EEF2K: variants seen among roughly 807,000 people sequenced by gnomAD.
The protein encoded by EEF2K is alternative protein EEF2K.
EEF2K carries 70 observed loss-of-function variants against 93.8 expected under a neutral mutation model. The observed-to-expected ratio is 0.75, with a 90% CI of 0.62 to 0.91. The LOEUF (loss-of-function observed/expected upper bound fraction) is 0.91, where lower values mean the gene tolerates loss of function less well. EEF2K is among the 40% of genes least tolerant of loss of function. The probability of loss-of-function intolerance (pLI) is 0.00; values close to 1 mark genes in which losing one functional copy is unlikely to be tolerated. For synonymous variants in EEF2K, 376 were observed against 380.8 expected (o/e 0.99, Z 0.15); for missense variants, 935 against 972.9 (o/e 0.96, Z 0.52).
intron 15 of EEF2K, among the ~76,000 whole-genome samples, chr16:22,270,400 C>G (rs973646801): frequency 1.3e-5 from 2 of 152,132 alleles, no homozygotes; most frequent in South Asian, 4.1e-4. Context: ...GCTAGGATTA[C>G]AGGTATGAGC....
chr16:22,256,374 A>G (rs1380452203), intron 6 of EEF2K, among the ~76,000 whole-genome samples: 2 of 152,098 alleles, frequency 1.3e-5, no homozygotes, highest in Non-Finnish European at 2.9e-5. Context: ...CTGGGATTAC[A>G]GGTGTGAGCC....
chr16:22,237,272 A>C (rs757413971), intron 2 of EEF2K, among the ~76,000 whole-genome samples: 1 of 151,966 alleles, frequency 6.6e-6, no homozygotes, highest in Non-Finnish European at 1.5e-5. Context: ...TGTAAGATTA[A>C]TTAACCTACT....
At position 22,266,883 on chromosome 16, in the gene EEF2K, A is replaced by T. The variant is rs752790042; in HGVS notation, c.1764+7A>T. The T allele has an allele frequency of 1.3e-6, 2 of 1,595,336 alleles. No individual in the cohort carries two copies. The highest frequency in any genetic ancestry group is 1.7e-6 in the Non-Finnish European group (2 of 1,167,358). On this transcript the variant is annotated splice_region_variant and intron_variant, in intron 15 of 17. Transcript: ENST00000263026. ...AGCCGATGTCTCTCTGAAGGTGAGC[A>T]GGTGGCGGGGACCCAGCTGCAGGTG...
chr16:22,234,899 T>TTTTTTA (rs1185430519), intron 2 of EEF2K, among the ~76,000 whole-genome samples: 1 of 145,412 alleles, frequency 6.9e-6, no homozygotes, highest in Non-Finnish European at 1.5e-5. Flanking sequence ...TTTTTTTTTT[T>TTTTTTA]AGGGGCGGTT....
Position 22,256,649 on chromosome 16 carries a change from G to C in EEF2K, c.619-99G>C, listed in dbSNP as rs889524237. On this transcript the variant is annotated intron_variant, in intron 6 of 17. Transcript: ENST00000263026. ...CTAGTAAGTCATGGAGCCAGGGTCTGAGCCCAGGCAGGCGAGTTCCTCTGA... is the reference window on the plus strand; with the variant it reads ...CTAGTAAGTCATGGAGCCAGGGTCTCAGCCCAGGCAGGCGAGTTCCTCTGA... 6.3e-6 allele frequency: 9 copies of C among 1,430,166 alleles called. No individual in the cohort carries two copies. In the African/African-American group the frequency reaches 1.1e-4, roughly 18 times the overall value. 88.6% of individuals were successfully genotyped at this position (1,430,166 alleles called of 1,614,324 possible). A position where few individuals can be genotyped will look rare whatever the true frequency, so the allele number is the denominator to read the frequency against.
intron 2 of EEF2K, among the ~76,000 whole-genome samples, chr16:22,236,365 C>G (rs1197957577): frequency 1.4e-5 from 2 of 147,416 alleles, no homozygotes; most frequent in Admixed American, 1.4e-4. Context: ...GCCTCGACTT[C>G]CCAGGTTCAG....
At chr16:22,280,630 A>G (rs1336894060) in intron 17 of EEF2K, among the ~76,000 whole-genome samples, 2 of 149,844 alleles carry the variant, frequency 1.3e-5, no homozygotes, top group Non-Finnish European at 3.0e-5. Context: ...TAAAGTATAT[A>G]GTTTAGTAGG....
chr16:22,251,100 C>T, intron 5 of EEF2K, 51 bp from the exon 6 acceptor site: 3 of 1,579,878 alleles, frequency 1.9e-6, no homozygotes, highest in Non-Finnish European at 2.6e-6. Context: ...GGCTGTGTCC[C>T]TGGTGAACCC....
At chr16:22,244,132 G>A (rs2047257371) in intron 2 of EEF2K, among the ~76,000 whole-genome samples, 1 of 151,792 alleles carries the variant, frequency 6.6e-6, no homozygotes, top group South Asian at 2.1e-4. Context: ...GGGAGGCTGA[G>A]GCATGAGAAT....
chr16:22,247,285 CA>C (rs575381523), intron 3 of EEF2K, among the ~76,000 whole-genome samples: 46 of 142,702 alleles, frequency 3.2e-4, no homozygotes, highest in Non-Finnish European at 3.5e-4. Context: ...TACAAAAATA[CA>C]AAAAAAAAAA....
chr16:22,254,270 G>A (rs907534815), intron 6 of EEF2K, among the ~76,000 whole-genome samples: 1 of 152,192 alleles, frequency 6.6e-6, no homozygotes, highest in South Asian at 2.1e-4. Context: ...TGGCCCTGCT[G>A]TAAGTTTCCT....
rs1042283093 is a variant in EEF2K at position 22,284,269 on chromosome 16, GT to G, written c.*281del. 9.8e-5 allele frequency: 37 copies of G among 376,790 alleles called. No homozygotes were observed. The highest frequency in any genetic ancestry group is 1.3e-4 in the Non-Finnish European group (27 of 204,170). 23.3% of individuals were successfully genotyped at this position (376,790 alleles called of 1,614,324 possible). ...GAACCAACATACCGTTTTGTGTGTGGTTTTTTTTGTTTGTTTGTTTGTTTGT... is the reference window on the plus strand; with the variant it reads ...GAACCAACATACCGTTTTGTGTGTGGTTTTTTTGTTTGTTTGTTTGTTTGT... On this transcript the variant is annotated 3_prime_UTR_variant, in exon 18 of 18. Coordinates refer to ENST00000263026, the MANE Select transcript of EEF2K (RefSeq NM_013302.5).
rs2047755814 is a variant in EEF2K at position 22,286,627 on chromosome 16, A to G, written c.*2631A>G. 2 of 152,252 alleles carry G rather than the reference A, an allele frequency of 1.3e-5. No homozygotes were observed. Among genetic ancestry groups the G allele is most frequent in the African/African-American group, 4.8e-5 (2 of 41,474 alleles). The allele number at this position is 152,252 out of a possible 1,614,324, so 9.4% of individuals were successfully genotyped here. ...CTGGTGTTCCAATAAAACTTTATTT[A>G]CACAAACGGGTGGCCCTTTTGGGCT... is the stretch of plus-strand genomic sequence containing the variant. On this transcript the variant is annotated 3_prime_UTR_variant, in exon 18 of 18. Coordinates refer to ENST00000263026, the MANE Select transcript of EEF2K (RefSeq NM_013302.5).
intron 1 of EEF2K, among the ~76,000 whole-genome samples, chr16:22,225,011 T>C (rs1235336458): frequency 6.9e-6 from 1 of 144,594 alleles, no homozygotes. Context: ...TGCAAGGGAG[T>C]GATTGGATAT....
chr16:22,247,703 C>T (rs1350521663), intron 3 of EEF2K, among the ~76,000 whole-genome samples: 2 of 152,156 alleles, frequency 1.3e-5, no homozygotes, highest in Non-Finnish European at 2.9e-5. Flanking sequence ...AGCATAAAAT[C>T]GGATTGGTTC....
At chr16:22,275,920 A>C (rs747386038) in intron 16 of EEF2K, among the ~76,000 whole-genome samples, 3 of 148,824 alleles carry the variant, frequency 2.0e-5, no homozygotes, top group African/African-American at 7.5e-5. Context: ...GGGATTACAG[A>C]TGTGAGCCAC....
At chr16:22,212,746 C>T (rs2046926942) in intron 1 of EEF2K, among the ~76,000 whole-genome samples, 1 of 152,112 alleles carries the variant, frequency 6.6e-6, no homozygotes, top group South Asian at 2.1e-4. Context: ...GTAATTCCAA[C>T]ACTTTGGGAG....
rs752992920 is a variant in EEF2K at position 22,251,356 on chromosome 16, C to T, written c.618+34C>T. On this transcript the variant is annotated intron_variant, in intron 6 of 17. Transcript: ENST00000263026. ...CCCCACTACCTGCCCCCTTTCCATG[C>T]CAGGGCAGCTGGGCACAGTGTCTGG... is the stretch of plus-strand genomic sequence containing the variant. The T allele has an allele frequency of 1.1e-5, 18 of 1,610,084 alleles. No individual in the cohort carries two copies. The Middle Eastern group carries it at 6.8e-4, about 61-fold the overall frequency.
At chr16:22,251,108 C>A in intron 5 of EEF2K, 43 bp from the exon 6 acceptor site, 1 of 1,587,632 alleles carries the variant, frequency 6.3e-7, no homozygotes, top group Non-Finnish European at 8.6e-7. Flanking sequence ...CCCTGGTGAA[C>A]CCCAGAGTAC....
Sources: allele counts gnomAD v4.1 joint callset (sites outside exome capture counted in the v4.1 genomes callset), GRCh38; gene constraint gnomAD v4.1.1; transcripts MANE v1.5; gene names NCBI Gene and HGNC (gene_info 2026-07-23, HGNC 2026-07-21).